Variants in NRG2 observed in about 807,000 individuals in gnomAD.
NRG2 encodes pro-neuregulin-2, membrane-bound isoform.
NRG2 carries 27 observed loss-of-function variants against 73.9 expected under a neutral mutation model. That is an observed-to-expected ratio of 0.37 (90% confidence interval 0.27 to 0.50). NRG2 has a LOEUF of 0.50. Ranked by LOEUF, NRG2 falls within the 20% of genes least tolerant of loss-of-function variation. The pLI, the probability that NRG2 is intolerant of heterozygous loss-of-function variation, is 0.96. For missense variants in NRG2, 1,126 were observed against 1,210.1 expected, an observed-to-expected ratio of 0.93 and a Z score of 1.03; for synonymous variants, 532 against 541.0, an observed-to-expected ratio of 0.98 and a Z score of 0.23.
At chr5:139,927,544 A>G (rs1489091902) in intron 1 of NRG2, among the ~76,000 whole-genome samples, 1 of 152,116 alleles carries the variant, frequency 6.6e-6, no homozygotes, top group Non-Finnish European at 1.5e-5. Context: ...TGGGCGGATC[A>G]CCTGAGGTTA....
At chr5:139,983,562 C>A (rs1435601110) in intron 1 of NRG2, among the ~76,000 whole-genome samples, 3 of 152,234 alleles carry the variant, frequency 2.0e-5, no homozygotes, top group African/African-American at 4.8e-5. Flanking sequence ...TCCTTCCACT[C>A]CCAGCAGCCC....
At chr5:139,908,198 C>G (rs1356749198) in intron 1 of NRG2, among the ~76,000 whole-genome samples, 1 of 152,210 alleles carries the variant, frequency 6.6e-6, no homozygotes, top group African/African-American at 2.4e-5. Flanking sequence ...CCAGCTGAGG[C>G]TTTTGGGCCT....
chr5:139,887,139 T>C lies in NRG2; in HGVS notation c.872+201A>G, dbSNP rs1763918763. Among the ~76,000 whole-genome samples, 3 of 152,224 alleles carry C rather than the reference T, an allele frequency of 2.0e-5. No individual in the cohort carries two copies. The highest frequency in any genetic ancestry group is 7.2e-5 in the African/African-American group (3 of 41,476). On this transcript the variant is annotated intron_variant, in intron 2 of 9. Transcript: ENST00000361474. The surrounding 1 kb of genome is among the most constrained non-coding windows in gnomAD (Gnocchi z 4.5). ...TTCTTGTCTGTGGTCTGCAAGACCC[T>C]GGGCCACCATGACCAGAGGGTCCCC... is the stretch of plus-strand genomic sequence containing the variant.
At chr5:139,850,033 C>T (rs1288196490) in intron 9 of NRG2, among the ~76,000 whole-genome samples, 3 of 152,234 alleles carry the variant, frequency 2.0e-5, no homozygotes, top group African/African-American at 7.2e-5. Context: ...CAGCCCTGTT[C>T]TTAAGTGCCT....
At chr5:139,932,743 C>T (rs1281928655) in intron 1 of NRG2, among the ~76,000 whole-genome samples, 1 of 150,582 alleles carries the variant, frequency 6.6e-6, no homozygotes, top group African/African-American at 2.4e-5. Flanking sequence ...CAAGTATACA[C>T]AATAAAATTT....
chr5:139,911,255 T>C (rs1476090619), intron 1 of NRG2, among the ~76,000 whole-genome samples: 1 of 152,056 alleles, frequency 6.6e-6, no homozygotes, highest in East Asian at 1.9e-4. Flanking sequence ...TAAGTACTTT[T>C]CTCTCTCTGG....
At chr5:140,004,161 A>T (rs993030126) in intron 1 of NRG2, among the ~76,000 whole-genome samples, 7 of 152,226 alleles carry the variant, frequency 4.6e-5, no homozygotes, top group Admixed American at 1.3e-4. Context: ...TGAAATAAAC[A>T]GATCATATTT....
chr5:139,867,938 GAACAATGAT>G (rs61452353), intron 4 of NRG2, among the ~76,000 whole-genome samples: 36,973 of 151,630 alleles, frequency 0.24, 6,069 homozygotes, highest in African/African-American at 0.47. Context: ...GACCCTTGGA[GAACAATGAT>G]AACAATGATA....
At chr5:139,880,822 T>A in intron 3 of NRG2, 34 bp downstream of exon 3, 1 of 1,588,006 alleles carries the variant, frequency 6.3e-7, no homozygotes, top group Non-Finnish European at 8.6e-7. Flanking sequence ...GCCAAACCCC[T>A]CTAGGACCCT....
chr5:139,904,411 C>T lies in NRG2; in HGVS notation c.701-16900G>A. 6.7e-7 allele frequency: 1 copy of T among 1,493,504 alleles called. No individual in the cohort carries two copies. Among genetic ancestry groups the T allele is most frequent in the East Asian group, 2.4e-5 (1 of 42,084 alleles). The allele number at this position is 1,493,504 out of a possible 1,614,324, so 92.5% of individuals were successfully genotyped here. A position where few individuals can be genotyped will look rare whatever the true frequency, so the allele number is the denominator to read the frequency against. On this transcript the variant is annotated intron_variant, in intron 1 of 9. Coordinates refer to ENST00000361474, the MANE Select transcript of NRG2 (RefSeq NM_004883.3). The surrounding 1 kb of genome is among the most constrained non-coding windows in gnomAD (Gnocchi z 6.0). The stretch of plus-strand genomic sequence containing the variant: ...GGACTCCGACATTCTGCACGGGGTC[C>T]CAGGCGGTGGGACGGCCTCAGCTCT...
At chr5:139,917,854 C>T (rs1348755951) in intron 1 of NRG2, among the ~76,000 whole-genome samples, 2 of 152,062 alleles carry the variant, frequency 1.3e-5, no homozygotes, top group East Asian at 3.8e-4. Flanking sequence ...TTTTCACTTT[C>T]TTGATGGTAT....
At chr5:139,928,083 C>A (rs1263220239) in intron 1 of NRG2, among the ~76,000 whole-genome samples, 1 of 152,162 alleles carries the variant, frequency 6.6e-6, no homozygotes, top group South Asian at 2.1e-4. Flanking sequence ...AGTCCCCAAC[C>A]AACAGCCAAA....
At chr5:139,956,544 G>A (rs907266387) in intron 1 of NRG2, among the ~76,000 whole-genome samples, 1 of 152,178 alleles carries the variant, frequency 6.6e-6, no homozygotes, top group South Asian at 2.1e-4. Flanking sequence ...AAGGCTTGGG[G>A]TGGTTGGTTC....
rs145995411 is a variant in NRG2, at chr5:139,911,607, G to A, written c.701-24096C>T. On this transcript the variant is annotated intron_variant, in intron 1 of 9. Coordinates refer to ENST00000361474, the MANE Select transcript of NRG2 (RefSeq NM_004883.3). ...AGGCCCTGCTGCAGGTGAGTAAGCT[G>A]CCTGGATTCCTGCTGCCAGCCTCTT... Among the ~76,000 whole-genome samples the A allele has an allele frequency of 7.2e-5, 11 of 152,336 alleles. No individual in the cohort carries two copies. In the East Asian group the frequency reaches 2.1e-3, roughly 29 times the overall value.
At chr5:139,976,042 A>G (rs963763351) in intron 1 of NRG2, among the ~76,000 whole-genome samples, 38 of 152,214 alleles carry the variant, frequency 2.5e-4, no homozygotes, top group African/African-American at 8.9e-4. Flanking sequence ...AGCTAACCTT[A>G]TACTTTCCTT....
chr5:140,009,657 T>C (rs955783190), intron 1 of NRG2, among the ~76,000 whole-genome samples: 1 of 152,240 alleles, frequency 6.6e-6, no homozygotes, highest in African/African-American at 2.4e-5. Context: ...TGCCAGCTTT[T>C]GGTGTTGTCA....
intron 1 of NRG2, among the ~76,000 whole-genome samples, chr5:139,938,953 G>GAAA (rs1561694111): frequency 9.5e-6 from 1 of 105,230 alleles, no homozygotes; most frequent in Non-Finnish European, 2.0e-5. Context: ...AAGAAAGAAA[G>GAAA]AAAGAAAAAA....
Position 139,865,599 on chromosome 5 carries a change from C to G in NRG2, c.1139G>C (p.Arg380Thr). The G allele has an allele frequency of 6.2e-7, 1 of 1,609,924 alleles. No individual in the cohort carries two copies. Among genetic ancestry groups the G allele is most frequent in the Non-Finnish European group, 8.5e-7 (1 of 1,179,022 alleles). Residue 380 changes from arginine to threonine, a missense_variant, in exon 5 of 10, where the codon AGA (arginine) becomes ACA (threonine). Physicochemically the swap from Arg to Thr is moderately conservative, Grantham distance 71. Around this residue, in one of 3 missense-constraint regions of NRG2, gnomAD observed 539 missense variants for 703.2 expected, o/e 0.77. Transcript: ENST00000361474. This position sits in a 1 kb window ranked among gnomAD's most constrained non-coding sequence, Gnocchi z 5.2. ...CKCPNGFFGQ[R>T]CLEKLPLRLY... ...TCGCAAAGGCAGTTTCTCCAAACATCTCTGTCCGAAGAATCCATTTGGACA... is the reference window on the plus strand; with the variant it reads ...TCGCAAAGGCAGTTTCTCCAAACATGTCTGTCCGAAGAATCCATTTGGACA...
chr5:139,869,880 G>A lies in NRG2; in HGVS notation c.1112+1841C>T, dbSNP rs1308650508. ...ATCTCACCACTCCCTTGCCCACACC[G>A]AACTCTAGCACTGGAGCCCTGGCCC... On this transcript the variant is annotated intron_variant, in intron 4 of 9. Transcript: ENST00000361474. This position sits in a 1 kb window ranked among gnomAD's most constrained non-coding sequence, Gnocchi z 4.5. Among the ~76,000 whole-genome samples the A allele has an allele frequency of 2.6e-5, 4 of 152,156 alleles. No homozygotes were observed. The highest frequency in any genetic ancestry group is 4.4e-5 in the Non-Finnish European group (3 of 68,018).
Sources: allele counts gnomAD v4.1 joint callset (sites outside exome capture counted in the v4.1 genomes callset), GRCh38; gene constraint gnomAD v4.1.1; regional missense constraint gnomAD v4.1.1; non-coding constraint Gnocchi (gnomAD v3.1); transcripts MANE v1.5; gene names NCBI Gene and HGNC (gene_info 2026-07-23, HGNC 2026-07-21).